Variants in GALNT16 observed in about 807,000 individuals in gnomAD.
GALNT16 encodes the protein UDP-GalNAc:polypeptide N-acetylgalactosaminyltransferase-like protein 1.
A neutral mutation model predicts 76.1 loss-of-function variants in GALNT16; 40 were observed. The observed-to-expected ratio is 0.53, with a 90% CI of 0.41 to 0.68. The LOEUF is 0.68. GALNT16 is among the 30% of genes least tolerant of loss of function. The pLI is 0.00. For missense variants in GALNT16, 621 were observed against 731.9 expected (o/e 0.85, Z 1.75); for synonymous variants, 276 against 285.2 (o/e 0.97, Z 0.32).
rs565242258 is a variant in GALNT16 at position 69,294,458 on chromosome 14, C to T, written c.178-26253C>T. Among the ~76,000 whole-genome samples the T allele has an allele frequency of 4.6e-5, 7 of 152,226 alleles. 1 individual carries two copies. Among genetic ancestry groups the T allele is most frequent in the South Asian group, 4.2e-4 (2 of 4,818 alleles). On this transcript the variant is annotated intron_variant, in intron 1 of 14. Transcript: ENST00000448469. ...TTTAAAAAGCCACTTTACTGAGGTA[C>T]GATTTACATACCAAAAAAATTCACT...
At chr14:69,318,365 T>C (rs1401704878) in intron 1 of GALNT16, among the ~76,000 whole-genome samples, 1 of 152,184 alleles carries the variant, frequency 6.6e-6, no homozygotes, top group Admixed American at 6.5e-5. Context: ...TCCATGGCCC[T>C]GAGGAAGCCT....
rs186654489 is a variant in GALNT16, at chr14:69,347,960, C to G, written c.1497C>G (p.Ser499=). The G allele has an allele frequency of 4.4e-4, 707 of 1,614,080 alleles. 3 individuals carry two copies. The East Asian group carries it at 0.012, about 26-fold the overall frequency. The change falls in exon 14 of 15, where the codon TCC becomes TCG. Residue 499 remains serine (S), a synonymous_variant. Transcript: ENST00000448469. ...CCACCTTAATGTCCTCCCCTGGATC[C>G]CCAGTCATACTGCAGATGTGCAACC... ...ATSTLMSSPG[S]PVILQMCNPR...
At chr14:69,318,983 G>A (rs1278830758) in intron 1 of GALNT16, among the ~76,000 whole-genome samples, 5 of 152,136 alleles carry the variant, frequency 3.3e-5, no homozygotes, top group African/African-American at 4.8e-5. Context: ...TCCATCTTCC[G>A]TCTTTCCTGA....
At chr14:69,385,438 C>G in the GALNT16 span, among the ~76,000 whole-genome samples, 4 of 151,976 alleles carry the variant, frequency 2.6e-5, no homozygotes, top group African/African-American at 9.7e-5. Context: ...GAAGATAATT[C>G]CCCCCAGCTC....
chr14:69,307,177 C>T (rs2044947311), intron 1 of GALNT16, among the ~76,000 whole-genome samples: 1 of 152,108 alleles, frequency 6.6e-6, no homozygotes, highest in African/African-American at 2.4e-5. Context: ...GGAGCAAGTC[C>T]CATTTTAGTT....
chr14:69,325,910 G>A, intron 4 of GALNT16, 52 bp from the exon 5 acceptor site: 3 of 1,431,982 alleles, frequency 2.1e-6, no homozygotes, highest in South Asian at 2.3e-5. Context: ...CAAACCACTA[G>A]TGGCCTGATG....
intron 1 of GALNT16, among the ~76,000 whole-genome samples, chr14:69,307,176 C>A (rs1006881790): frequency 6.6e-6 from 1 of 152,130 alleles, no homozygotes; most frequent in African/African-American, 2.4e-5. Flanking sequence ...GGGAGCAAGT[C>A]CCATTTTAGT....
At chr14:69,365,896 G>A in the GALNT16 span, among the ~76,000 whole-genome samples, 9 of 152,208 alleles carry the variant, frequency 5.9e-5, no homozygotes, top group African/African-American at 1.4e-4. Context: ...GACAACATAC[G>A]TAAGGTCCCT....
intron 1 of GALNT16, 97 bp from the exon 2 acceptor site, chr14:69,320,614 G>C (rs536743487): frequency 1.9e-6 from 2 of 1,057,572 alleles, no homozygotes; most frequent in South Asian, 3.1e-5. Flanking sequence ...CACAAATGAG[G>C]CCACGTGGCT....
At chr14:69,350,314 TG>T (rs1444688124) in intron 14 of GALNT16, 6 of 152,338 alleles carry the variant, frequency 3.9e-5, no homozygotes, top group Admixed American at 6.5e-5. Flanking sequence ...CCAGGGAATT[TG>T]CACTTTAGTG....
intron 1 of GALNT16, among the ~76,000 whole-genome samples, chr14:69,289,302 G>A (rs1351673488): frequency 6.6e-6 from 1 of 152,186 alleles, no homozygotes; most frequent in East Asian, 1.9e-4. Flanking sequence ...ATGAGGCCCA[G>A]TGAATCCATT....
chr14:69,324,716 G>T lies in GALNT16; in HGVS notation c.360G>T (p.Ser120=), dbSNP rs148892767. 2 of 1,612,054 alleles carry T rather than the reference G, an allele frequency of 1.2e-6. No homozygotes were observed. The highest frequency in any genetic ancestry group is 2.2e-5 in the South Asian group (2 of 90,874). Residue 120 remains serine, a synonymous_variant, in exon 3 of 15, where the codon TCG becomes TCT. Coordinates refer to ENST00000448469, the MANE Select transcript of GALNT16 (RefSeq NM_001168368.2). ...HYSCPSVSYS[S]DLPATSVIIT... ...GCTGCCCATCTGTGTCCTACTCCTC[G>T]GACCTGCCAGCCACCAGCGTCATCA... is the stretch of plus-strand genomic sequence containing the variant.
downstream of GALNT16, chr14:69,355,896 G>A (rs897329): frequency 0.06 from 9,181 of 152,262 alleles, 318 homozygotes; most frequent in Middle Eastern, 0.089. Flanking sequence ...TATGACTGTC[G>A]TCCCAGGGTT....
intron 1 of GALNT16, among the ~76,000 whole-genome samples, chr14:69,296,900 C>G (rs2044775399): frequency 6.6e-6 from 1 of 152,126 alleles, no homozygotes; most frequent in Non-Finnish European, 1.5e-5. Context: ...CTGTTTTGTA[C>G]CTTGATTTCT....
At position 69,352,962 on chromosome 14, in the gene GALNT16, A is replaced by G. The variant is rs1305627064; in HGVS notation, c.*794A>G. ...GCTGCAGAGGGATCTTTAGGGGAAG[A>G]TTCGGGCGTAGTTTATTAAACAGAC... On this transcript the variant is annotated 3_prime_UTR_variant, in exon 15 of 15. Coordinates refer to ENST00000448469, the MANE Select transcript of GALNT16 (RefSeq NM_001168368.2). Among the ~76,000 whole-genome samples, 1 of 152,096 alleles carries G rather than the reference A, an allele frequency of 6.6e-6. No homozygotes were observed. Among genetic ancestry groups the G allele is most frequent in the Non-Finnish European group, 1.5e-5 (1 of 68,018 alleles).
At chr14:69,270,645 A>G (rs945449588) in intron 1 of GALNT16, among the ~76,000 whole-genome samples, 1 of 152,204 alleles carries the variant, frequency 6.6e-6, no homozygotes, top group East Asian at 1.9e-4. Context: ...TTGCCTTCCA[A>G]AGTTGCTGGA....
At chr14:69,297,119 C>T (rs767081999) in intron 1 of GALNT16, among the ~76,000 whole-genome samples, 10 of 152,220 alleles carry the variant, frequency 6.6e-5, no homozygotes, top group Non-Finnish European at 1.2e-4. Context: ...GTACATATGT[C>T]ATTCATCATG....
At chr14:69,291,117 CCT>C (rs1211983880) in intron 1 of GALNT16, among the ~76,000 whole-genome samples, 2 of 152,064 alleles carry the variant, frequency 1.3e-5, no homozygotes, top group Non-Finnish European at 2.9e-5. Flanking sequence ...ATAGTAAAAC[CCT>C]GTTTCTACGA....
In GALNT16 at chr14:69,260,460, C is replaced by G; in HGVS notation, c.170C>G (p.Pro57Arg). 6.6e-7 allele frequency: 1 copy of G among 1,505,836 alleles called. No individual in the cohort carries two copies. The highest frequency in any genetic ancestry group is 8.9e-7 in the Non-Finnish European group (1 of 1,128,094). 93.3% of individuals were successfully genotyped at this position (1,505,836 alleles called of 1,614,324 possible). A position where few individuals can be genotyped will look rare whatever the true frequency, so the allele number is the denominator to read the frequency against. ...CAGCTCCGCGAGGACCGCACCATCC[C>G]GCTCATTGTGAGTACGCCCCGAGCG... is the stretch of plus-strand genomic sequence containing the variant. ...SEQLREDRTI[P>R]LIVTGTPSKG... The change falls in exon 1 of 15, where the codon CCG becomes CGG. Residue 57 changes from proline (P) to arginine (R), a missense_variant. By Grantham distance (103) the Pro-to-Arg change is moderately radical (BLOSUM62 -2). Coordinates refer to ENST00000448469, the MANE Select transcript of GALNT16 (RefSeq NM_001168368.2).
Sources: gnomAD v4.1 joint callset for allele counts (sites outside exome capture counted in the v4.1 genomes callset) on GRCh38, gnomAD v4.1.1 for gene constraint, MANE v1.5 for transcripts, NCBI Gene and HGNC (gene_info 2026-07-23, HGNC 2026-07-21) for gene names.